Variants in RREB1 observed in about 807,000 individuals in gnomAD.
The protein encoded by RREB1 is ras responsive element binding protein 1, also known as ras-responsive element-binding protein 1.
RREB1 carries 27 observed loss-of-function variants against 117.8 expected under a neutral mutation model. The ratio of observed to expected loss-of-function variants is 0.23; its 90% CI spans 0.17 to 0.32. RREB1 has a LOEUF of 0.32. Ranked by LOEUF, RREB1 falls within the 10% of genes least tolerant of loss-of-function variation. The probability of loss-of-function intolerance (pLI) is 1.00; values close to 1 mark genes in which losing one functional copy is unlikely to be tolerated. For synonymous variants in RREB1, 1,298 were observed against 1,026.7 expected (o/e 1.26, Z -5.05); for missense variants, 2,577 against 2,378.2 (o/e 1.08, Z -1.74).
At chr6:7,208,746 TG>T (rs1766415867) in intron 6 of RREB1, among the ~76,000 whole-genome samples, 1 of 152,236 alleles carries the variant, frequency 6.6e-6, no homozygotes, top group Non-Finnish European at 1.5e-5. Flanking sequence ...GCCTGAGCTG[TG>T]GGCTCCTCAC....
chr6:7,110,835 C>T (rs191928570), intron 1 of RREB1, among the ~76,000 whole-genome samples: 4 of 152,198 alleles, frequency 2.6e-5, no homozygotes, highest in Admixed American at 2.6e-4. Context: ...GAAATGCTGC[C>T]GATGCTTACC....
chr6:7,155,704 G>C (rs1763333394), intron 1 of RREB1, among the ~76,000 whole-genome samples: 2 of 152,234 alleles, frequency 1.3e-5, no homozygotes, highest in South Asian at 4.1e-4. Context: ...TCCAGATAGA[G>C]TTAGATGTGA....
In RREB1 at chr6:7,250,809, G is replaced by C. The variant is rs1462122139; in HGVS notation, c.*1841G>C. ...AAAAGTGATATCTTCGCATACGAAA[G>C]GAAAAAAGGTTGAGGTATATATGAT... On this transcript the variant is annotated 3_prime_UTR_variant, in exon 13 of 13. Transcript: ENST00000379938. 3 of 152,028 alleles carry C rather than the reference G, an allele frequency of 2.0e-5. No individual in the cohort carries two copies. The highest frequency in any genetic ancestry group is 7.2e-5 in the African/African-American group (3 of 41,394). 9.4% of individuals were successfully genotyped at this position (152,028 alleles called of 1,614,324 possible). A position where few individuals can be genotyped will look rare whatever the true frequency, so the allele number is the denominator to read the frequency against.
chr6:7,209,936 A>G (rs1766492396), intron 6 of RREB1, among the ~76,000 whole-genome samples: 1 of 152,238 alleles, frequency 6.6e-6, no homozygotes, highest in African/African-American at 2.4e-5. Flanking sequence ...GGTGATGATG[A>G]TTGTCATTGG....
At chr6:7,113,472 C>T (rs1244677155) in intron 1 of RREB1, among the ~76,000 whole-genome samples, 3 of 152,150 alleles carry the variant, frequency 2.0e-5, no homozygotes, top group African/African-American at 7.2e-5. Context: ...TAATTTCACC[C>T]TGCTTTTGTG....
intron 8 of RREB1, among the ~76,000 whole-genome samples, chr6:7,224,823 G>C (rs1015671056): frequency 6.6e-6 from 1 of 152,142 alleles, no homozygotes; most frequent in Non-Finnish European, 1.5e-5. Flanking sequence ...GGTGAGCTCA[G>C]CAGAATTCCC....
At position 7,240,508 on chromosome 6, in the gene RREB1, G is replaced by A. The variant is rs1166758630; in HGVS notation, c.3879G>A (p.Gln1293=). ...FSTKSNCERH[Q]LRKHGVTTCS... ...CCAAATCTAACTGTGAACGCCACCA[G>A]TTGCGCAAACACGGAGTTACCACCT... Residue 1293 remains glutamine, a synonymous_variant, in exon 11 of 13, where the codon CAG becomes CAA. Coordinates refer to ENST00000379938, the MANE Select transcript of RREB1 (RefSeq NM_001003699.4). 2.5e-6 allele frequency: 4 copies of A among 1,613,998 alleles called. No homozygotes were observed. The South Asian group carries it at 4.4e-5, about 18-fold the overall frequency.
intron 6 of RREB1, among the ~76,000 whole-genome samples, chr6:7,191,613 T>A (rs1358220394): frequency 2.0e-5 from 3 of 152,256 alleles, no homozygotes; most frequent in Non-Finnish European, 4.4e-5. Context: ...GAACATGGGA[T>A]GTTTTCCCAT....
chr6:7,251,078 T>C lies in RREB1; in HGVS notation c.*2110T>C, dbSNP rs985022388. 1 of 152,144 alleles carries C rather than the reference T, an allele frequency of 6.6e-6. No individual in the cohort carries two copies. The highest frequency in any genetic ancestry group is 2.4e-5 in the African/African-American group (1 of 41,416). The allele number at this position is 152,144 out of a possible 1,614,324, so 9.4% of individuals were successfully genotyped here. A position where few individuals can be genotyped will look rare whatever the true frequency, so the allele number is the denominator to read the frequency against. On this transcript the variant is annotated 3_prime_UTR_variant, in exon 13 of 13. Transcript: ENST00000379938. ...ACTCTCCACACTAAACTTGCAATAT[T>C]GTGGGGAGAAGCTGTGACTAAACTC...
At chr6:7,141,144 C>T (rs1463872263) in intron 1 of RREB1, among the ~76,000 whole-genome samples, 1 of 152,046 alleles carries the variant, frequency 6.6e-6, no homozygotes, top group Non-Finnish European at 1.5e-5. Flanking sequence ...CGGGCCGCCC[C>T]CAGGGCTCCC....
intron 10 of RREB1, among the ~76,000 whole-genome samples, chr6:7,240,031 T>G (rs1257910179): frequency 6.6e-6 from 1 of 152,246 alleles, no homozygotes; most frequent in African/African-American, 2.4e-5. Context: ...GTGTCCATAT[T>G]ACGGTGTCCT....
At chr6:7,180,606 C>T (rs112098165) in intron 2 of RREB1, among the ~76,000 whole-genome samples, 1 of 152,242 alleles carries the variant, frequency 6.6e-6, no homozygotes, top group African/African-American at 2.4e-5. Flanking sequence ...GCAAGGAACG[C>T]ACATGGCCTG....
At chr6:7,213,794 G>A (rs1766746061) in intron 8 of RREB1, 2 of 152,232 alleles carry the variant, frequency 1.3e-5, no homozygotes, top group Non-Finnish European at 2.9e-5. Context: ...GTGAATACAG[G>A]CTGTCTCTGA....
intron 4 of RREB1, among the ~76,000 whole-genome samples, chr6:7,187,195 G>A (rs1333459017): frequency 6.6e-6 from 1 of 152,344 alleles, no homozygotes; most frequent in South Asian, 2.1e-4. Context: ...TGCTTGGCAT[G>A]TGGTAATTTA....
chr6:7,137,100 G>A (rs1762374033), intron 1 of RREB1, among the ~76,000 whole-genome samples: 1 of 152,220 alleles, frequency 6.6e-6, no homozygotes, highest in Admixed American at 6.5e-5. Context: ...CCTCAACATG[G>A]GGAGTTCCCT....
At chr6:7,158,284 GT>G (rs1426334933) in intron 1 of RREB1, among the ~76,000 whole-genome samples, 2 of 152,008 alleles carry the variant, frequency 1.3e-5, no homozygotes, top group Admixed American at 1.3e-4. Context: ...AGTTGTTCAG[GT>G]TTAACTTTCC....
At chr6:7,157,910 G>A (rs1763461507) in intron 1 of RREB1, among the ~76,000 whole-genome samples, 1 of 152,044 alleles carries the variant, frequency 6.6e-6, no homozygotes, top group Admixed American at 6.5e-5. Context: ...TGCCTCCTGG[G>A]GACCTCATCC....
intron 1 of RREB1, among the ~76,000 whole-genome samples, chr6:7,142,156 A>G (rs1376428691): frequency 6.6e-6 from 1 of 151,794 alleles, no homozygotes; most frequent in Admixed American, 6.6e-5. Flanking sequence ...TGGAGGTTGC[A>G]GTGAGCCGAG....
chr6:7,175,173 T>G (rs1374679167), intron 1 of RREB1, among the ~76,000 whole-genome samples: 2 of 152,142 alleles, frequency 1.3e-5, no homozygotes, highest in African/African-American at 4.8e-5. Flanking sequence ...AAAGGATGTT[T>G]GTGCATTTCT....
Sources: gnomAD v4.1 joint callset for allele counts (sites outside exome capture counted in the v4.1 genomes callset) on GRCh38, gnomAD v4.1.1 for gene constraint, MANE v1.5 for transcripts, NCBI Gene and HGNC (gene_info 2026-07-23, HGNC 2026-07-21) for gene names.